NDRG3: variants seen among roughly 807,000 people sequenced by gnomAD.
NDRG3 encodes the protein protein NDRG3.
In NDRG3, 23 loss-of-function variants were observed where a neutral mutation model predicts 57.2. That is an observed-to-expected ratio of 0.40 (90% CI 0.29 to 0.57). The LOEUF is 0.57. Ranked by LOEUF, NDRG3 falls within the 20% of genes least tolerant of loss-of-function variation. The probability of loss-of-function intolerance (pLI) is 0.42; values close to 1 mark genes in which losing one functional copy is unlikely to be tolerated. For missense variants in NDRG3, 384 were observed against 457.3 expected (o/e 0.84, Z 1.46); for synonymous variants, 132 against 162.6 (o/e 0.81, Z 1.43).
rs1190140931 is a variant in NDRG3 at position 36,679,986 on chromosome 20, G to A, written c.531+830C>T. On this transcript the variant is annotated intron_variant, in intron 8 of 15. Transcript: ENST00000349004. The stretch of plus-strand genomic sequence containing the variant: ...ATTACAGGCATGCACCACCACACCC[G>A]ACTAATTTTGTATTTTTAGTAGAGA... Among the ~76,000 whole-genome samples, 26 of 149,806 alleles carry A rather than the reference G, an allele frequency of 1.7e-4. 1 individual carries two copies. The highest frequency in any genetic ancestry group is 5.6e-4 in the African/African-American group (23 of 40,742).
intron 2 of NDRG3, among the ~76,000 whole-genome samples, chr20:36,711,383 T>C (rs1019514232): frequency 1.3e-5 from 2 of 152,152 alleles, no homozygotes; most frequent in Non-Finnish European, 2.9e-5. Context: ...AAACAGACCA[T>C]ATTAGGGCTT....
At chr20:36,676,786 G>T (rs1383254331) in intron 8 of NDRG3, among the ~76,000 whole-genome samples, 1 of 152,252 alleles carries the variant, frequency 6.6e-6, no homozygotes, top group East Asian at 1.9e-4. Flanking sequence ...TTTTAGCATA[G>T]GTGAGTTGAA....
At chr20:36,743,255 A>T (rs574561400) in intron 1 of NDRG3, among the ~76,000 whole-genome samples, 2 of 152,310 alleles carry the variant, frequency 1.3e-5, no homozygotes, top group African/African-American at 4.8e-5. Flanking sequence ...CCACTTTGGG[A>T]GGCAGAGGCA....
At chr20:36,702,705 T>G (rs74940437) in intron 3 of NDRG3, among the ~76,000 whole-genome samples, 1 of 151,466 alleles carries the variant, frequency 6.6e-6, no homozygotes, top group Non-Finnish European at 1.5e-5. Context: ...TTTTTTTTTT[T>G]GAGATGGAGT....
chr20:36,684,940 T>C (rs1352662648), intron 5 of NDRG3, among the ~76,000 whole-genome samples: 1 of 152,164 alleles, frequency 6.6e-6, no homozygotes, highest in Non-Finnish European at 1.5e-5. Context: ...TTGTGGCATA[T>C]TGTGTAACTC....
intron 1 of NDRG3, among the ~76,000 whole-genome samples, chr20:36,744,083 T>C (rs1986064147): frequency 1.3e-5 from 2 of 151,666 alleles, no homozygotes; most frequent in South Asian, 4.2e-4. Flanking sequence ...TGTTATTTTT[T>C]AGTACAGACG....
chr20:36,690,372 A>T (rs55695914), intron 3 of NDRG3, among the ~76,000 whole-genome samples: 1 of 151,792 alleles, frequency 6.6e-6, no homozygotes, highest in East Asian at 1.9e-4. Context: ...GAGCAGACAA[A>T]AGATGCACCG....
At chr20:36,672,931 A>G (rs980184468) in intron 8 of NDRG3, among the ~76,000 whole-genome samples, 20 of 151,654 alleles carry the variant, frequency 1.3e-4, no homozygotes, top group African/African-American at 4.8e-4. Context: ...TGGCACCATC[A>G]TAGCTCACTG....
At chr20:36,663,629 C>G (rs1213858593) in intron 12 of NDRG3, among the ~76,000 whole-genome samples, 1 of 152,108 alleles carries the variant, frequency 6.6e-6, no homozygotes, top group Admixed American at 6.6e-5. Context: ...CATGCTTATA[C>G]AGTGCTGGTG....
At chr20:36,734,339 A>G (rs80081818) in intron 1 of NDRG3, among the ~76,000 whole-genome samples, 4,280 of 152,330 alleles carry the variant, frequency 0.028, 245 homozygotes, top group African/African-American at 0.098. Flanking sequence ...CTCCCAGGTC[A>G]TCACAGATGA....
chr20:36,673,387 A>C (rs1467638224), intron 8 of NDRG3, among the ~76,000 whole-genome samples: 1 of 152,034 alleles, frequency 6.6e-6, no homozygotes, highest in East Asian at 1.9e-4. Context: ...AGAATACAAA[A>C]GACATCATTT....
At chr20:36,738,714 T>G (rs777163162) in intron 1 of NDRG3, among the ~76,000 whole-genome samples, 17 of 145,582 alleles carry the variant, frequency 1.2e-4, no homozygotes, top group Non-Finnish European at 2.4e-4. Context: ...TCCCAGCTAC[T>G]CGGGAGGCTG....
intron 10 of NDRG3, among the ~76,000 whole-genome samples, chr20:36,665,759 C>T (rs1467129881): frequency 1.3e-5 from 2 of 152,098 alleles, no homozygotes; most frequent in East Asian, 1.9e-4. Flanking sequence ...CCACTACACC[C>T]GGCTAATTTT....
chr20:36,730,298 C>T (rs1228391869), intron 1 of NDRG3, among the ~76,000 whole-genome samples: 4 of 150,978 alleles, frequency 2.6e-5, no homozygotes, highest in African/African-American at 7.3e-5. Context: ...CTTTGTCACT[C>T]GGCTGGAGTG....
At chr20:36,682,805 A>G (rs1484658730) in intron 6 of NDRG3, among the ~76,000 whole-genome samples, 1 of 152,196 alleles carries the variant, frequency 6.6e-6, no homozygotes, top group African/African-American at 2.4e-5. Flanking sequence ...TAATCTTAGC[A>G]CTTTGGGAGG....
At chr20:36,712,499 G>A (rs1393979479) in intron 2 of NDRG3, among the ~76,000 whole-genome samples, 3 of 120,516 alleles carry the variant, frequency 2.5e-5, no homozygotes, top group East Asian at 2.6e-4. Flanking sequence ...AGGCTCAAAC[G>A]ATCCTCCTGC....
chr20:36,669,741 G>A lies in NDRG3; in HGVS notation c.588+1600C>T, dbSNP rs1600866812. On this transcript the variant is annotated intron_variant, in intron 9 of 15. Transcript: ENST00000349004. ...GCCTCCCAGGTAGCAGGGACTACAG[G>A]CATACACCACCACATCCCGCTAATT... Among the ~76,000 whole-genome samples the A allele has an allele frequency of 4.6e-5, 7 of 151,928 alleles. No homozygotes were observed. The South Asian group carries it at 1.5e-3, about 32-fold the overall frequency.
At chr20:36,715,056 T>TA (rs1568662093) in intron 2 of NDRG3, among the ~76,000 whole-genome samples, 11 of 122,122 alleles carry the variant, frequency 9.0e-5, no homozygotes, top group African/African-American at 2.6e-4. Context: ...ATATATATAT[T>TA]ATATTTAAGT....
chr20:36,686,532 G>T (rs1445485873), intron 5 of NDRG3, among the ~76,000 whole-genome samples: 3 of 152,210 alleles, frequency 2.0e-5, no homozygotes, highest in African/African-American at 7.2e-5. Context: ...CTGGAGATGA[G>T]TGAAAGGATA....
Sources: gnomAD v4.1 joint callset for allele counts (sites outside exome capture counted in the v4.1 genomes callset) on GRCh38, gnomAD v4.1.1 for gene constraint, MANE v1.5 for transcripts, NCBI Gene and HGNC (gene_info 2026-07-23, HGNC 2026-07-21) for gene names.